The following PCDHGA2 variants were observed in gnomAD, a reference collection of about 807,000 sequenced individuals.
PCDHGA2 encodes the protein protocadherin gamma-A2.
PCDHGA2 carries 40 observed loss-of-function variants against 59.2 expected under a neutral mutation model. The ratio of observed to expected loss-of-function variants is 0.68; its 90% confidence interval spans 0.52 to 0.88. PCDHGA2 has a LOEUF of 0.88. PCDHGA2 is among the 40% of genes least tolerant of loss of function. PCDHGA2 has a pLI of 0.00. For synonymous variants in PCDHGA2, 560 were observed against 526.0 expected (o/e 1.06, Z -0.89); for missense variants, 1,226 against 1,204.0 (o/e 1.02, Z -0.27).
In PCDHGA2 at chr5:141,431,317, C is replaced by G; in HGVS notation, c.2425-63490C>G. 2 of 1,614,082 alleles carry G rather than the reference C, an allele frequency of 1.2e-6. No homozygotes were observed. The highest frequency in any genetic ancestry group is 1.7e-6 in the Non-Finnish European group (2 of 1,180,038). On this transcript the variant is annotated intron_variant, in intron 1 of 3. Transcript: ENST00000394576. The surrounding 1 kb of genome is among the most constrained non-coding windows in gnomAD (Gnocchi z 4.8). ...TCTCCCTCATCGTGCAAAATGGAGC[C>G]GACGGTAGTAAGTACCCCGAATTGG...
intron 1 of PCDHGA2, chr5:141,478,819 C>G (rs927315523): frequency 2.1e-6 from 3 of 1,447,842 alleles, no homozygotes; most frequent in Non-Finnish European, 2.7e-6. Context: ...CACAACTAAC[C>G]AATCTTGCTA....
At position 141,487,219 on chromosome 5, in the gene PCDHGA2, A is replaced by G. The variant is rs750819958; in HGVS notation, c.2425-7588A>G. ...CAGATCTTCGAGAATCTTCAGCTCC[A>G]AGGGAAGGAGAATCTCGTCTAACCC... On this transcript the variant is annotated intron_variant, in intron 1 of 3. Transcript: ENST00000394576. This position sits in a 1 kb window ranked among gnomAD's most constrained non-coding sequence, Gnocchi z 5.0. The G allele has an allele frequency of 1.2e-6, 2 of 1,613,952 alleles. No individual in the cohort carries two copies. The highest frequency in any genetic ancestry group is 3.3e-5 in the Admixed American group (2 of 60,020).
At position 141,339,520 on chromosome 5, in the gene PCDHGA2, A is replaced by G; in HGVS notation, c.549A>G (p.Arg183=). ...NPNDHFSLDV[R]RGADGNKYPE... Reference sequence around the variant, plus strand: ...ATGACCACTTCTCCCTGGACGTGCGAAGGGGAGCTGATGGGAACAAGTACC... The same window carrying G: ...ATGACCACTTCTCCCTGGACGTGCGGAGGGGAGCTGATGGGAACAAGTACC... The change falls in exon 1 of 4, where the codon CGA becomes CGG. Residue 183 remains arginine (R), a synonymous_variant. Transcript: ENST00000394576. The G allele has an allele frequency of 3.1e-6, 5 of 1,614,112 alleles. No individual in the cohort carries two copies. The highest frequency in any genetic ancestry group is 3.4e-6 in the Non-Finnish European group (4 of 1,180,008).
chr5:141,429,910 T>C (rs2097252047), intron 1 of PCDHGA2, among the ~76,000 whole-genome samples: 1 of 152,230 alleles, frequency 6.6e-6, no homozygotes, highest in East Asian at 1.9e-4. Context: ...TTTTGAAATA[T>C]AATGTATTAA....
At chr5:141,346,266 G>A (rs751092764) in intron 1 of PCDHGA2, 2 of 1,614,200 alleles carry the variant, frequency 1.2e-6, no homozygotes, top group South Asian at 2.2e-5. Context: ...GGGCGCGGAC[G>A]GGGTTCGGGC....
chr5:141,403,033 G>T (rs764461706), intron 1 of PCDHGA2: 1 of 1,614,056 alleles, frequency 6.2e-7, no homozygotes, highest in Non-Finnish European at 8.5e-7. Flanking sequence ...GGGAGGCCAG[G>T]GCCAGTCAGA....
At chr5:141,345,755 C>G in intron 1 of PCDHGA2, 2 of 1,614,226 alleles carry the variant, frequency 1.2e-6, no homozygotes, top group Non-Finnish European at 1.7e-6. Flanking sequence ...GTTCCACTGG[C>G]GTGGAGCTGG....
intron 1 of PCDHGA2, chr5:141,388,994 T>C: frequency 6.2e-7 from 1 of 1,614,042 alleles, no homozygotes; most frequent in Non-Finnish European, 8.5e-7. Flanking sequence ...TCAAAGTCCG[T>C]GACAAGGATT....
At chr5:141,427,599 C>T (rs1233253295) in intron 1 of PCDHGA2, 3 of 682,980 alleles carry the variant, frequency 4.4e-6, no homozygotes, top group South Asian at 3.0e-5. Flanking sequence ...CCTCACCCTA[C>T]GCATTGGTGA....
At chr5:141,400,036 C>G (rs1232257433) in intron 1 of PCDHGA2, 28 of 1,613,256 alleles carry the variant, frequency 1.7e-5, no homozygotes, top group Non-Finnish European at 2.4e-5. Context: ...GGCCCGCCAG[C>G]GCCTGCTGGT....
chr5:141,384,658 C>T lies in PCDHGA2; in HGVS notation c.2424+43263C>T, dbSNP rs755303317. 9.3e-6 allele frequency: 15 copies of T among 1,614,104 alleles called. No homozygotes were observed. The African/African-American group carries it at 1.7e-4, about 19-fold the overall frequency. Reference sequence around the variant, plus strand: ...ACCCCGCTCCGCAGAGCCCGGCTACCTGGTGACCAAGGTGGTGGCGGTGGA... The same window carrying T: ...ACCCCGCTCCGCAGAGCCCGGCTACTTGGTGACCAAGGTGGTGGCGGTGGA... On this transcript the variant is annotated intron_variant, in intron 1 of 3. Coordinates refer to ENST00000394576, the MANE Select transcript of PCDHGA2 (RefSeq NM_018915.4).
intron 1 of PCDHGA2, chr5:141,423,652 A>G (rs746768292): frequency 1.9e-6 from 3 of 1,583,268 alleles, no homozygotes; most frequent in Non-Finnish European, 2.6e-6. Flanking sequence ...TGACCCGACA[A>G]GTAATCAGGT....
intron 1 of PCDHGA2, chr5:141,377,921 A>C (rs1249670755): frequency 6.6e-6 from 1 of 152,150 alleles, no homozygotes; most frequent in African/African-American, 2.4e-5. Flanking sequence ...GTAAAAATCC[A>C]CCTGTAACTG....
chr5:141,502,468 C>A (rs1007796183), intron 2 of PCDHGA2, among the ~76,000 whole-genome samples: 6 of 151,190 alleles, frequency 4.0e-5, no homozygotes, highest in Non-Finnish European at 8.8e-5. Flanking sequence ...GGAATACTTC[C>A]CGCAGCATCA....
At chr5:141,409,719 CAGTG>C (rs2095305881) in intron 1 of PCDHGA2, 2 of 1,613,090 alleles carry the variant, frequency 1.2e-6, no homozygotes, top group South Asian at 2.2e-5. Flanking sequence ...TCATACGTGT[CAGTG>C]AGCGCGCAGA....
intron 1 of PCDHGA2, chr5:141,389,390 C>G: frequency 2.5e-6 from 4 of 1,613,718 alleles, no homozygotes; most frequent in Non-Finnish European, 3.4e-6. Context: ...TGTCATCCTA[C>G]GTGTCCATAA....
chr5:141,357,226 G>T, intron 1 of PCDHGA2: 3 of 1,613,820 alleles, frequency 1.9e-6, no homozygotes, highest in Non-Finnish European at 2.5e-6. Context: ...GGCTGACTTG[G>T]GCAGCCTCAA....
At chr5:141,473,098 A>G (rs564554159) in intron 1 of PCDHGA2, among the ~76,000 whole-genome samples, 6 of 152,300 alleles carry the variant, frequency 3.9e-5, no homozygotes, top group South Asian at 4.1e-4. Context: ...TGTGAGTTGT[A>G]TTACCACACT....
chr5:141,422,910 C>T (rs756589496), intron 1 of PCDHGA2: 2 of 1,614,252 alleles, frequency 1.2e-6, no homozygotes, highest in South Asian at 1.1e-5. Context: ...ACAATGCGCC[C>T]GAGATCCTGT....
Sources: gnomAD v4.1 joint callset for allele counts (sites outside exome capture counted in the v4.1 genomes callset) on GRCh38, gnomAD v4.1.1 for gene constraint, Gnocchi (gnomAD v3.1) non-coding constraint, MANE v1.5 for transcripts, NCBI Gene and HGNC (gene_info 2026-07-23, HGNC 2026-07-21) for gene names.